PBK: variants seen among roughly 807,000 people sequenced by gnomAD.
PBK encodes the protein PDZ binding kinase.
Under a neutral mutation model 33.5 loss-of-function variants are expected in PBK, and 22 were observed. That is an observed-to-expected ratio of 0.66 (90% CI 0.47 to 0.94). The LOEUF (loss-of-function observed/expected upper bound fraction) is 0.94. PBK is among the 40% of genes least tolerant of loss of function. The probability of loss-of-function intolerance (pLI) is 0.00; values close to 1 mark genes in which losing one functional copy is unlikely to be tolerated. For synonymous variants in PBK, 129 were observed against 123.8 expected (o/e 1.04, Z -0.28); for missense variants, 376 against 383.4 (o/e 0.98, Z 0.16).
intron 1 of PBK, among the ~76,000 whole-genome samples, chr8:27,835,768 C>G (rs970662166): frequency 8.5e-5 from 13 of 152,212 alleles, no homozygotes; most frequent in Non-Finnish European, 1.8e-4. Context: ...TCAGGCTGGC[C>G]TCAAACGTGA....
In PBK at chr8:27,834,794, G is replaced by A. The variant is rs529902115; in HGVS notation, c.-20-1661C>T. The stretch of plus-strand genomic sequence containing the variant: ...ACCTGTCATTCCAGCTACTCAGGAG[G>A]CTGAGGCAGAAGAATCGCTTGAACC... On this transcript the variant is annotated intron_variant, in intron 1 of 7. Transcript: ENST00000301905. Among the ~76,000 whole-genome samples, 6 of 152,116 alleles carry A rather than the reference G, an allele frequency of 3.9e-5. No individual in the cohort carries two copies. The South Asian group carries it at 1.2e-3, about 32-fold the overall frequency.
At chr8:27,822,588 C>A in intron 4 of PBK, 100 bp from the exon 5 acceptor site, 1 of 713,100 alleles carries the variant, frequency 1.4e-6, no homozygotes, top group Admixed American at 3.3e-5. Context: ...TGGACTAACG[C>A]TGACAAATAT....
intron 6 of PBK, among the ~76,000 whole-genome samples, chr8:27,820,024 T>C (rs1445947543): frequency 2.0e-5 from 3 of 152,184 alleles, no homozygotes; most frequent in Non-Finnish European, 4.4e-5. Flanking sequence ...AAGTATTATT[T>C]ACTAAATAAT....
At position 27,828,744 on chromosome 8, in the gene PBK, C is replaced by CA. The variant is rs34388320; in HGVS notation, c.59-547dup. Among the ~76,000 whole-genome samples the CA allele has an allele frequency of 1.0e-2, 823 of 82,496 alleles. 18 individuals are homozygous for CA. Among genetic ancestry groups the CA allele is most frequent in the Middle Eastern group, 0.033 (5 of 150 alleles). 54.1% of individuals were successfully genotyped at this position (82,496 alleles called of 152,430 possible). A position where few individuals can be genotyped will look rare whatever the true frequency, so the allele number is the denominator to read the frequency against. On this transcript the variant is annotated intron_variant, in intron 2 of 7. Transcript: ENST00000301905. ...TGGGTGACAGAGCAAGACACAGTCTCAAAAAAAAAAAAAAAAAAAAAAAAA... is the reference window on the plus strand; with the variant it reads ...TGGGTGACAGAGCAAGACACAGTCTCAAAAAAAAAAAAAAAAAAAAAAAAAA...
chr8:27,818,222 C>T (rs1283990401), intron 6 of PBK, among the ~76,000 whole-genome samples: 1 of 152,218 alleles, frequency 6.6e-6, no homozygotes, highest in African/African-American at 2.4e-5. Flanking sequence ...GTTACCACAG[C>T]AAAACCTATT....
chr8:27,830,425 T>C lies in PBK; in HGVS notation c.59-2227A>G, dbSNP rs187295750. On this transcript the variant is annotated intron_variant, in intron 2 of 7. Coordinates refer to ENST00000301905, the MANE Select transcript of PBK (RefSeq NM_018492.4). ...TCTTAAGACAGAGCAACAAAAACTA[T>C]CAAAAATGAAGCAAAGAGAGAAAAA... is the stretch of plus-strand genomic sequence containing the variant. 9.6e-4 allele frequency among the ~76,000 whole-genome samples: 145 copies of C among 151,508 alleles called. 1 individual carries two copies. The highest frequency in any genetic ancestry group is 3.3e-3 in the African/African-American group (137 of 41,278).
At chr8:27,816,720 TA>T (rs976739514) in intron 6 of PBK, among the ~76,000 whole-genome samples, 13 of 151,964 alleles carry the variant, frequency 8.6e-5, no homozygotes, top group African/African-American at 2.2e-4. Context: ...ATTACCTGTT[TA>T]AAAAAAATTT....
At chr8:27,822,129 T>C (rs892071445) in intron 5 of PBK, among the ~76,000 whole-genome samples, 190 bp downstream of exon 5, 3 of 152,198 alleles carry the variant, frequency 2.0e-5, no homozygotes, top group African/African-American at 7.2e-5. Flanking sequence ...TCTCAGAACA[T>C]ATTAAGCTAC....
At chr8:27,830,196 C>A (rs1806101738) in intron 2 of PBK, among the ~76,000 whole-genome samples, 2 of 98,716 alleles carry the variant, frequency 2.0e-5, no homozygotes, top group African/African-American at 4.0e-5. Context: ...GAGCAAGATT[C>A]TGTCTCAAGA....
At chr8:27,835,330 A>C (rs1806207750) in intron 1 of PBK, among the ~76,000 whole-genome samples, 1 of 152,212 alleles carries the variant, frequency 6.6e-6, no homozygotes, top group African/African-American at 2.4e-5. Flanking sequence ...CAAGAGTATA[A>C]TAATTTTATG....
intron 7 of PBK, 92 bp downstream of exon 7, chr8:27,810,866 C>G (rs1805663826): frequency 3.7e-6 from 3 of 812,824 alleles, no homozygotes; most frequent in Non-Finnish European, 3.9e-6. Context: ...AATCAGTCAT[C>G]AGTACTAATA....
At chr8:27,829,185 A>G (rs925052169) in intron 2 of PBK, among the ~76,000 whole-genome samples, 5 of 152,200 alleles carry the variant, frequency 3.3e-5, no homozygotes, top group Admixed American at 1.3e-4. Flanking sequence ...GCACATAACA[A>G]TGTGTAGATG....
chr8:27,835,603 G>A (rs915801972), intron 1 of PBK, among the ~76,000 whole-genome samples: 2 of 151,736 alleles, frequency 1.3e-5, no homozygotes, highest in African/African-American at 2.4e-5. Context: ...CCAGGCTGGG[G>A]TGCAATGGTG....
chr8:27,831,558 T>C (rs902831694), intron 2 of PBK, among the ~76,000 whole-genome samples: 38 of 110,086 alleles, frequency 3.5e-4, no homozygotes, highest in African/African-American at 1.6e-3. Context: ...ACATTGACAT[T>C]TGTAGAACAC....
At position 27,822,451 on chromosome 8, in the gene PBK, C is replaced by T. The variant is rs752783878; in HGVS notation, c.333G>A (p.Leu111=). The T allele has an allele frequency of 6.2e-7, 1 of 1,611,356 alleles. No individual in the cohort carries two copies. The stretch of plus-strand genomic sequence containing the variant: ...CACCTCCATATTCCATAGCAAGACA[C>T]AGACTGCCATCATTGGCTTCAGTAA... ...RAFTEANDGS[L]CLAMEYGGEK... The change falls in exon 5 of 8, where the codon CTG becomes CTA. Residue 111 remains leucine, a synonymous_variant. Coordinates refer to ENST00000301905, the MANE Select transcript of PBK (RefSeq NM_018492.4).
chr8:27,815,696 G>A (rs1314237340), intron 6 of PBK, among the ~76,000 whole-genome samples: 3 of 152,136 alleles, frequency 2.0e-5, no homozygotes, highest in Non-Finnish European at 4.4e-5. Context: ...TAGAACTCTG[G>A]GTCTAAAATA....
intron 6 of PBK, among the ~76,000 whole-genome samples, chr8:27,820,353 A>ATAC (rs939703273): frequency 6.6e-6 from 1 of 152,178 alleles, no homozygotes; most frequent in Non-Finnish European, 1.5e-5. Context: ...ATATATACTA[A>ATAC]TACTACTACT....
intron 1 of PBK, among the ~76,000 whole-genome samples, chr8:27,836,854 A>G (rs778700845): frequency 1.8e-4 from 28 of 152,188 alleles, no homozygotes; most frequent in Non-Finnish European, 3.2e-4. Context: ...TTGCACCTCA[A>G]TGTACCATGT....
chr8:27,811,179 GA>G, intron 6 of PBK, 45 bp from the exon 7 acceptor site: 1 of 1,582,018 alleles, frequency 6.3e-7, no homozygotes, highest in Non-Finnish European at 8.7e-7. Context: ...TACAAATCAC[GA>G]AAAGGCAAGC....
Sources: allele counts gnomAD v4.1 joint callset (sites outside exome capture counted in the v4.1 genomes callset), GRCh38; gene constraint gnomAD v4.1.1; transcripts MANE v1.5; gene names NCBI Gene and HGNC (gene_info 2026-07-23, HGNC 2026-07-21).